FBXO11: variants seen among roughly 807,000 people sequenced by gnomAD.
FBXO11 encodes the protein F-box only protein 11.
In FBXO11, 13 loss-of-function variants were observed where a neutral mutation model predicts 117.0. The ratio of observed to expected loss-of-function variants is 0.11; its 90% CI spans 0.07 to 0.18. The LOEUF (loss-of-function observed/expected upper bound fraction) is 0.18, where lower values mean the gene tolerates loss of function less well. FBXO11 is among the 10% of genes least tolerant of loss of function. The pLI is 1.00. For missense variants in FBXO11, 767 were observed against 1,164.4 expected (o/e 0.66, Z 4.97); for synonymous variants, 490 against 380.5 (o/e 1.29, Z -3.35).
intron 1 of FBXO11, among the ~76,000 whole-genome samples, chr2:47,856,789 T>C (rs1674330432): frequency 6.6e-6 from 1 of 152,220 alleles, no homozygotes; most frequent in African/African-American, 2.4e-5. Flanking sequence ...AATTATATTA[T>C]CAACTGTGAT....
chr2:47,829,531 C>T (rs527620532), intron 11 of FBXO11, among the ~76,000 whole-genome samples: 2 of 152,294 alleles, frequency 1.3e-5, no homozygotes, highest in African/African-American at 4.8e-5. Flanking sequence ...TGAGCCACCA[C>T]ACCTGGCCTG....
rs139190812 is a variant in FBXO11, at chr2:47,845,950, A to T, written c.233-6181T>A. ...TTCCAACATCCAAATCCACAAATGC[A>T]TTTACATGTAGATCCATTATTTTTT... On this transcript the variant is annotated intron_variant, in intron 1 of 22. Transcript: ENST00000403359. Among the ~76,000 whole-genome samples the T allele has an allele frequency of 1.4e-3, 209 of 152,162 alleles. 1 individual carries two copies. Among genetic ancestry groups the T allele is most frequent in the African/African-American group, 4.7e-3 (195 of 41,532 alleles).
chr2:47,813,417 T>C (rs2104659192), intron 17 of FBXO11, 40 bp from the exon 18 acceptor site: 1 of 1,165,748 alleles, frequency 8.6e-7, no homozygotes, highest in South Asian at 1.6e-5. Context: ...AAGGTATATT[T>C]CTTTTTAATT....
At chr2:47,823,450 A>C in intron 11 of FBXO11, 90 bp from the exon 12 acceptor site, 1 of 976,102 alleles carries the variant, frequency 1.0e-6, no homozygotes, top group Non-Finnish European at 1.5e-6. Context: ...CATATCTAAA[A>C]ATTAAGTATT....
rs750013064 is a variant in FBXO11 at position 47,834,723 on chromosome 2, T to A, written c.802-12A>T. 2 of 1,607,038 alleles carry A rather than the reference T, an allele frequency of 1.2e-6. No homozygotes were observed. Among genetic ancestry groups the A allele is most frequent in the Admixed American group, 1.7e-5 (1 of 57,916 alleles). On this transcript the variant is annotated splice_polypyrimidine_tract_variant and intron_variant, in intron 6 of 22. Coordinates refer to ENST00000403359, the MANE Select transcript of FBXO11 (RefSeq NM_001190274.2). ...ATAGTATCATAATACTAGAAAAAAA[T>A]AAATGTGTCAGTACAGAACTGAAAG...
chr2:47,889,917 C>CA (rs1677135828), intron 1 of FBXO11, among the ~76,000 whole-genome samples: 1 of 152,094 alleles, frequency 6.6e-6, no homozygotes, highest in African/African-American at 2.4e-5. Context: ...GGCTTGTGAG[C>CA]AAAACATTTG....
At chr2:47,887,232 C>T (rs1431091404) in intron 1 of FBXO11, among the ~76,000 whole-genome samples, 1 of 147,104 alleles carries the variant, frequency 6.8e-6, no homozygotes. Flanking sequence ...TTGCGGTGAG[C>T]TGAGATTGTG....
chr2:47,836,142 AG>A (rs1672543775), intron 4 of FBXO11, 141 bp from the exon 5 acceptor site: 1 of 557,886 alleles, frequency 1.8e-6, no homozygotes, highest in Admixed American at 3.4e-5. Flanking sequence ...ATTAAATCAC[AG>A]GATTTTTTTT....
intron 1 of FBXO11, among the ~76,000 whole-genome samples, chr2:47,897,701 C>CAAAAAAAAAAAAAAAAAAAAAAAA (rs60982405): frequency 9.7e-6 from 1 of 103,144 alleles, no homozygotes. Context: ...TGTCTTAAAC[C>CAAAAAAAAAAAAAAAAAAAAAAAA]AAAAAAAAAA....
intron 1 of FBXO11, among the ~76,000 whole-genome samples, chr2:47,886,160 T>C (rs987953625): frequency 5.3e-5 from 8 of 152,116 alleles, no homozygotes; most frequent in African/African-American, 1.9e-4. Flanking sequence ...TTAATTATAA[T>C]TCAATAAAGC....
intron 1 of FBXO11, among the ~76,000 whole-genome samples, chr2:47,867,161 G>T (rs752868277): frequency 2.0e-5 from 3 of 152,136 alleles, no homozygotes; most frequent in Non-Finnish European, 4.4e-5. Flanking sequence ...TGCAGTATCA[G>T]TCAGATAGGC....
chr2:47,828,076 CTCAA>C (rs1671898624), intron 11 of FBXO11, among the ~76,000 whole-genome samples: 1 of 151,276 alleles, frequency 6.6e-6, no homozygotes, highest in African/African-American at 2.4e-5. Flanking sequence ...AACTTCTGGG[CTCAA>C]TCAATCCTCT....
chr2:47,821,948 G>A (rs1164641102), intron 13 of FBXO11, among the ~76,000 whole-genome samples: 2 of 152,094 alleles, frequency 1.3e-5, no homozygotes, highest in African/African-American at 2.4e-5. Flanking sequence ...AGTGGGGCAC[G>A]GTGGCACATG....
At position 47,807,181 on chromosome 2, in the gene FBXO11, A is replaced by AT. The variant is rs1183419427; in HGVS notation, c.*936dup. 1.1e-5 allele frequency: 3 copies of AT among 275,070 alleles called. No homozygotes were observed. The highest frequency in any genetic ancestry group is 2.1e-5 in the Non-Finnish European group (3 of 144,730). 17.0% of individuals were successfully genotyped at this position (275,070 alleles called of 1,614,324 possible). A position where few individuals can be genotyped will look rare whatever the true frequency, so the allele number is the denominator to read the frequency against. On this transcript the variant is annotated 3_prime_UTR_variant, in exon 23 of 23. Transcript: ENST00000403359. ...TACTTGTCTCAGCTTAATGCAGGAA[A>AT]TTGGTTTAATTTCCAGCAGTTTTGT...
intron 6 of FBXO11, 26 bp downstream of exon 6, chr2:47,834,762 G>C: frequency 1.2e-6 from 2 of 1,607,448 alleles, no homozygotes; most frequent in South Asian, 1.1e-5. Context: ...ACCATTTTAA[G>C]TCATAAAAAT....
At chr2:47,810,461 G>A (rs200887506) in intron 18 of FBXO11, 35 bp from the exon 19 acceptor site, 48 of 1,331,292 alleles carry the variant, frequency 3.6e-5, no homozygotes, top group East Asian at 7.1e-5. Flanking sequence ...TAAGGCTAAT[G>A]CATATAACAG....
chr2:47,821,358 C>T (rs924529729), intron 13 of FBXO11, among the ~76,000 whole-genome samples: 7 of 152,278 alleles, frequency 4.6e-5, no homozygotes, highest in African/African-American at 1.7e-4. Context: ...CACCTGTAAT[C>T]CCAGCACTTT....
At chr2:47,844,643 GC>G (rs1673269772) in intron 1 of FBXO11, among the ~76,000 whole-genome samples, 1 of 151,998 alleles carries the variant, frequency 6.6e-6, no homozygotes, top group Non-Finnish European at 1.5e-5. Context: ...TGTTCTTAAT[GC>G]GTATTTCTTT....
At position 47,834,815 on chromosome 2, in the gene FBXO11, T is replaced by A; in HGVS notation, c.774A>T (p.Ala258=). The A allele has an allele frequency of 6.2e-7, 1 of 1,613,490 alleles. No homozygotes were observed. The highest frequency in any genetic ancestry group is 8.5e-7 in the Non-Finnish European group (1 of 1,179,774). ...GFAEHFYSNP[A]RYKGRENMLY... ...ACATATTTTCTCTTCCTTTATATCT[T>A]GCAGGGTTACTGTAGAAATGTTCAG... Residue 258 remains alanine (A), a synonymous_variant, in exon 6 of 23, where the codon GCA becomes GCT. Transcript: ENST00000403359.
Sources: allele counts gnomAD v4.1 joint callset (sites outside exome capture counted in the v4.1 genomes callset), GRCh38; gene constraint gnomAD v4.1.1; transcripts MANE v1.5; gene names NCBI Gene and HGNC (gene_info 2026-07-23, HGNC 2026-07-21).